Variants in RAP1GAP2 observed in about 807,000 individuals in gnomAD.
RAP1GAP2 encodes the protein RAP1 GTPase activating protein 2, also known as rap1 GTPase-activating protein 2.
A neutral mutation model predicts 95.0 loss-of-function variants in RAP1GAP2; 27 were observed. The observed-to-expected ratio is 0.28, with a 90% CI of 0.21 to 0.39. The LOEUF is 0.39. Among genes scored for constraint, RAP1GAP2 ranks in the 10% least tolerant of loss-of-function variants. The pLI is 1.00. For synonymous variants in RAP1GAP2, 373 were observed against 380.9 expected, an observed-to-expected ratio of 0.98 and a Z score of 0.24; for missense variants, 771 against 970.0, an observed-to-expected ratio of 0.79 and a Z score of 2.72.
chr17:2,921,812 GC>G (rs1441206888), intron 3 of RAP1GAP2, among the ~76,000 whole-genome samples: 1 of 152,110 alleles, frequency 6.6e-6, no homozygotes, highest in East Asian at 1.9e-4. Context: ...CTCCTTGCCT[GC>G]CTCTTCCAGC....
At chr17:2,921,062 C>A (rs1825619279) in intron 3 of RAP1GAP2, among the ~76,000 whole-genome samples, 1 of 152,156 alleles carries the variant, frequency 6.6e-6, no homozygotes, top group African/African-American at 2.4e-5. Context: ...CCCGGAGCCC[C>A]CCCGGCAGAC....
At chr17:2,973,344 T>C (rs2044953768) in intron 8 of RAP1GAP2, among the ~76,000 whole-genome samples, 1 of 152,064 alleles carries the variant, frequency 6.6e-6, no homozygotes, top group African/African-American at 2.4e-5. Context: ...GGCGAAACCC[T>C]GTCTCTACTA....
chr17:2,954,994 G>A (rs769112010), intron 3 of RAP1GAP2, among the ~76,000 whole-genome samples: 4 of 152,126 alleles, frequency 2.6e-5, no homozygotes, highest in Admixed American at 6.6e-5. Context: ...TTATTCCATC[G>A]TATGGATACA....
At chr17:2,901,007 C>T (rs933812657) in intron 2 of RAP1GAP2, among the ~76,000 whole-genome samples, 9 of 152,232 alleles carry the variant, frequency 5.9e-5, no homozygotes, top group African/African-American at 2.2e-4. Context: ...TGGGTGCTGT[C>T]ACAGGGGCTC....
chr17:2,838,016 CTTTTT>C (rs71153304), intron 2 of RAP1GAP2, among the ~76,000 whole-genome samples: 8 of 94,450 alleles, frequency 8.5e-5, no homozygotes, highest in East Asian at 6.4e-4. Context: ...TTCTTTTTTC[CTTTTT>C]TTTTTTTTTT....
Position 2,905,182 on chromosome 17 carries a change from C to T in RAP1GAP2, c.81-102C>T. 4 of 1,105,678 alleles carry T rather than the reference C, an allele frequency of 3.6e-6. No homozygotes were observed. In the East Asian group the frequency reaches 1.1e-4, roughly 29 times the overall value. 68.5% of individuals were successfully genotyped at this position (1,105,678 alleles called of 1,614,324 possible). ...ACTGGCGTGAGCCACCCAACCCAGCCTGCATTGTATGTTAAACTGTGTCCG... is the reference window on the plus strand; with the variant it reads ...ACTGGCGTGAGCCACCCAACCCAGCTTGCATTGTATGTTAAACTGTGTCCG... On this transcript the variant is annotated intron_variant, in intron 2 of 24. Transcript: ENST00000254695.
chr17:2,919,102 G>A (rs950073439), intron 3 of RAP1GAP2, among the ~76,000 whole-genome samples: 6 of 152,122 alleles, frequency 3.9e-5, no homozygotes, highest in Non-Finnish European at 8.8e-5. Context: ...GAATGAATAA[G>A]GATTGAAATT....
intron 3 of RAP1GAP2, among the ~76,000 whole-genome samples, chr17:2,920,487 C>T (rs1328575772): frequency 6.6e-6 from 1 of 152,214 alleles, no homozygotes; most frequent in Non-Finnish European, 1.5e-5. Context: ...CCCTGCCTCC[C>T]CCGCTGGATG....
chr17:2,941,769 G>A (rs921790119), intron 3 of RAP1GAP2, among the ~76,000 whole-genome samples: 3 of 149,818 alleles, frequency 2.0e-5, no homozygotes, highest in African/African-American at 7.4e-5. Context: ...AGCAACCTCC[G>A]CCTCCCAGGT....
At chr17:2,826,735 C>T (rs560710727) in intron 2 of RAP1GAP2, among the ~76,000 whole-genome samples, 3 of 152,192 alleles carry the variant, frequency 2.0e-5, no homozygotes, top group Middle Eastern at 6.8e-3. Flanking sequence ...CGGCCGGGCG[C>T]GGTGGCTCAC....
Position 2,904,817 on chromosome 17 carries a change from G to A in RAP1GAP2, c.81-467G>A, listed in dbSNP as rs940755428. On this transcript the variant is annotated intron_variant, in intron 2 of 24. Coordinates refer to ENST00000254695, the MANE Select transcript of RAP1GAP2 (RefSeq NM_015085.5). This position sits in a 1 kb window ranked among gnomAD's most constrained non-coding sequence, Gnocchi z 4.7. ...TGGTCCAGGGACCATACTTAGAGTA[G>A]CACTGCTTTAGATTTTGGTGCATTG... Among the ~76,000 whole-genome samples the A allele has an allele frequency of 6.6e-6, 1 of 152,122 alleles. No individual in the cohort carries two copies. The highest frequency in any genetic ancestry group is 1.5e-5 in the Non-Finnish European group (1 of 68,026).
chr17:2,776,261 G>A (rs1238755273), upstream of RAP1GAP2, among the ~76,000 whole-genome samples: 2 of 152,218 alleles, frequency 1.3e-5, no homozygotes, highest in Non-Finnish European at 2.9e-5. Flanking sequence ...ATAGCGTTCT[G>A]TACCCCGTCC....
intron 2 of RAP1GAP2, among the ~76,000 whole-genome samples, chr17:2,801,597 A>AGGTGTGTGTGTG (rs2069297768): frequency 8.2e-6 from 1 of 121,878 alleles, no homozygotes; most frequent in Non-Finnish European, 1.7e-5. Flanking sequence ...ACTCCAGGGT[A>AGGTGTGTGTGTG]TGTGTGTGTG....
At chr17:2,986,881 C>T (rs2045575141) in intron 11 of RAP1GAP2, among the ~76,000 whole-genome samples, 1 of 152,224 alleles carries the variant, frequency 6.6e-6, no homozygotes, top group Non-Finnish European at 1.5e-5. Context: ...TGCCTGGAAG[C>T]AGCTGCTCTT....
intron 3 of RAP1GAP2, among the ~76,000 whole-genome samples, chr17:2,909,010 G>A (rs1207042605): frequency 1.3e-5 from 2 of 152,178 alleles, no homozygotes; most frequent in African/African-American, 4.8e-5. Flanking sequence ...CTTGTCGAGG[G>A]GTCAGCTCTA....
chr17:2,938,507 TCTC>T (rs1215215930), intron 3 of RAP1GAP2, among the ~76,000 whole-genome samples: 1 of 152,054 alleles, frequency 6.6e-6, no homozygotes, highest in African/African-American at 2.4e-5. Flanking sequence ...GGGGCTGGCT[TCTC>T]CTTCCCCACA....
chr17:2,880,853 A>C (rs886228764), intron 2 of RAP1GAP2, among the ~76,000 whole-genome samples: 1 of 152,196 alleles, frequency 6.6e-6, no homozygotes, highest in African/African-American at 2.4e-5. Flanking sequence ...GAGGTCAGGC[A>C]CGGTGGCTCA....
At chr17:2,860,594 C>CTTTTTT (rs561492877) in intron 2 of RAP1GAP2, among the ~76,000 whole-genome samples, 1 of 96,066 alleles carries the variant, frequency 1.0e-5, no homozygotes, top group Non-Finnish European at 2.0e-5. Context: ...ACTTATTTAT[C>CTTTTTT]TTTTTTTTTT....
intron 2 of RAP1GAP2, among the ~76,000 whole-genome samples, chr17:2,874,937 C>T (rs1347720243): frequency 1.3e-5 from 2 of 152,126 alleles, no homozygotes; most frequent in Non-Finnish European, 2.9e-5. Context: ...GACTGTCGAC[C>T]TAGAGAAAGA....
Sources: allele counts gnomAD v4.1 joint callset (sites outside exome capture counted in the v4.1 genomes callset), GRCh38; gene constraint gnomAD v4.1.1; non-coding constraint Gnocchi (gnomAD v3.1); transcripts MANE v1.5; gene names NCBI Gene and HGNC (gene_info 2026-07-23, HGNC 2026-07-21).